KLHL7: variants seen among roughly 807,000 people sequenced by gnomAD.
The protein encoded by KLHL7 is kelch-like protein 7.
KLHL7 carries 44 observed loss-of-function variants against 67.4 expected under a neutral mutation model. The observed-to-expected ratio is 0.65, with a 90% CI of 0.51 to 0.84. The LOEUF is 0.84. Among genes scored for constraint, KLHL7 ranks in the 40% least tolerant of loss-of-function variants. The pLI, the probability that KLHL7 is intolerant of heterozygous loss-of-function variation, is 0.00. For missense variants in KLHL7, 362 were observed against 718.1 expected (o/e 0.50, Z 5.67); for synonymous variants, 252 against 243.3 (o/e 1.04, Z -0.33).
intron 4 of KLHL7, among the ~76,000 whole-genome samples, chr7:23,130,558 G>A (rs1242430739): frequency 1.3e-5 from 2 of 152,122 alleles, no homozygotes; most frequent in East Asian, 1.9e-4. Context: ...AAATACATAT[G>A]TGCTGAGGGA....
intron 4 of KLHL7, chr7:23,125,888 C>A: frequency 6.5e-7 from 1 of 1,538,432 alleles, no homozygotes; most frequent in Non-Finnish European, 8.8e-7. Flanking sequence ...CTGCAGGATA[C>A]GTTCCAAGAC....
intron 4 of KLHL7, among the ~76,000 whole-genome samples, chr7:23,132,326 A>G (rs374797299): frequency 2.9e-4 from 44 of 152,276 alleles, no homozygotes; most frequent in African/African-American, 1.0e-3. Context: ...GTTATTAACT[A>G]TCTTTTGGAT....
At chr7:23,145,002 G>A (rs778794349) in intron 6 of KLHL7, among the ~76,000 whole-genome samples, 50 of 151,998 alleles carry the variant, frequency 3.3e-4, no homozygotes, top group Non-Finnish European at 5.6e-4. Context: ...AGTGGCTGAG[G>A]CAGGAGGATT....
At chr7:23,169,728 G>C (rs1004289590) in intron 9 of KLHL7, among the ~76,000 whole-genome samples, 2 of 151,872 alleles carry the variant, frequency 1.3e-5, no homozygotes, top group African/African-American at 4.8e-5. Flanking sequence ...TTTAAAACTA[G>C]GTGAATATTC....
At chr7:23,129,453 A>G (rs1783712963) in intron 4 of KLHL7, 2 of 364,530 alleles carry the variant, frequency 5.5e-6, no homozygotes, top group African/African-American at 2.2e-5. Flanking sequence ...TTCCAAGGAC[A>G]CTGCCATAGG....
intron 1 of KLHL7, among the ~76,000 whole-genome samples, chr7:23,120,927 C>T (rs1415070746): frequency 6.6e-6 from 1 of 152,128 alleles, no homozygotes; most frequent in African/African-American, 2.4e-5. Context: ...TTTTTCCTCC[C>T]ATCTGGCTGT....
At chr7:23,134,185 T>G (rs1783895555) in intron 4 of KLHL7, among the ~76,000 whole-genome samples, 1 of 152,216 alleles carries the variant, frequency 6.6e-6, no homozygotes, top group South Asian at 2.1e-4. Context: ...TTCAAATGCT[T>G]TTTCAGCATT....
intron 10 of KLHL7, among the ~76,000 whole-genome samples, chr7:23,173,403 A>T (rs1256815994): frequency 2.6e-5 from 4 of 152,244 alleles, no homozygotes; most frequent in African/African-American, 9.6e-5. Flanking sequence ...TAAGGCTTGT[A>T]TCCAGGTCCT....
At chr7:23,173,938 CA>C (rs1381572071) in intron 10 of KLHL7, 76 bp from the exon 11 acceptor site, 2 of 1,433,332 alleles carry the variant, frequency 1.4e-6, no homozygotes, top group African/African-American at 1.4e-5. Context: ...TGGAAAAATA[CA>C]AAAAGTTATT....
rs1314932560 is a variant in KLHL7 at position 23,105,797 on chromosome 7, G to C, written c.-230G>C. The C allele has an allele frequency of 1.7e-6, 1 of 582,006 alleles. No homozygotes were observed. The highest frequency in any genetic ancestry group is 3.0e-6 in the Non-Finnish European group (1 of 332,328). The allele number at this position is 582,006 out of a possible 1,614,324, so 36.1% of individuals were successfully genotyped here. On this transcript the variant is annotated 5_prime_UTR_variant, in exon 1 of 11. Coordinates refer to ENST00000339077, the MANE Select transcript of KLHL7 (RefSeq NM_001031710.3). ...CTGGGCAGGGCTCGGGTTCTGCCCG[G>C]GGACGCAGCCCAGTTGGTAGCGTCG...
At chr7:23,141,244 T>A (rs1784172523) in intron 5 of KLHL7, among the ~76,000 whole-genome samples, 1 of 152,154 alleles carries the variant, frequency 6.6e-6, no homozygotes, top group South Asian at 2.1e-4. Flanking sequence ...ACTTTGCATA[T>A]GTGACTAAGT....
intron 7 of KLHL7, among the ~76,000 whole-genome samples, chr7:23,157,948 T>A: frequency 6.6e-6 from 1 of 152,106 alleles, no homozygotes; most frequent in East Asian, 1.9e-4. Flanking sequence ...AAAATGGGAA[T>A]GTTATCTCCG....
rs1330407524 is a variant in KLHL7, at chr7:23,173,056, T to C, written c.1477+11T>C. On this transcript the variant is annotated intron_variant, in intron 10 of 10. Transcript: ENST00000339077. Reference sequence around the variant, plus strand: ...GTCAGAATGGTTTAGGTATGTGATGTTAATTCACTGTTCCACTTTCCTGAT... The same window carrying C: ...GTCAGAATGGTTTAGGTATGTGATGCTAATTCACTGTTCCACTTTCCTGAT... 1 of 1,581,930 alleles carries C rather than the reference T, an allele frequency of 6.3e-7. No individual in the cohort carries two copies. The highest frequency in any genetic ancestry group is 8.7e-7 in the Non-Finnish European group (1 of 1,150,784).
intron 1 of KLHL7, among the ~76,000 whole-genome samples, chr7:23,117,072 G>T: frequency 1.7e-5 from 2 of 120,614 alleles, no homozygotes; most frequent in African/African-American, 6.1e-5. Flanking sequence ...AATTTTCCTA[G>T]AGCCAGGCCT....
rs534991800 is a variant in KLHL7, at chr7:23,175,967, A to G, written c.*1669A>G. The G allele has an allele frequency of 5.3e-5, 8 of 151,764 alleles. No individual in the cohort carries two copies. The highest frequency in any genetic ancestry group is 1.9e-4 in the African/African-American group (8 of 41,308). The allele number at this position is 151,764 out of a possible 1,614,324, so 9.4% of individuals were successfully genotyped here. ...CAGAGCAAGACTAAAAAAAAAAAAA[A>G]AAAAAAAAAAATGTATTATTCAGTG... is the stretch of plus-strand genomic sequence containing the variant. On this transcript the variant is annotated 3_prime_UTR_variant, in exon 11 of 11. Transcript: ENST00000339077.
At chr7:23,136,833 C>T (rs996901738) in intron 4 of KLHL7, among the ~76,000 whole-genome samples, 31 of 152,142 alleles carry the variant, frequency 2.0e-4, no homozygotes, top group African/African-American at 6.3e-4. Flanking sequence ...AAACTGAAAT[C>T]TTTGGAATAT....
chr7:23,119,047 G>C (rs1783218963), intron 1 of KLHL7, among the ~76,000 whole-genome samples: 1 of 152,094 alleles, frequency 6.6e-6, no homozygotes, highest in African/African-American at 2.4e-5. Context: ...CTCCAGCCTG[G>C]ATGATAGAGC....
intron 1 of KLHL7, among the ~76,000 whole-genome samples, chr7:23,118,247 C>G (rs1783180350): frequency 6.6e-6 from 1 of 152,226 alleles, no homozygotes; most frequent in African/African-American, 2.4e-5. Flanking sequence ...CCAAATCTTT[C>G]AGGCACTAAA....
In KLHL7 at chr7:23,176,094, T is replaced by G. The variant is rs1785290674; in HGVS notation, c.*1796T>G. 2 of 152,274 alleles carry G rather than the reference T, an allele frequency of 1.3e-5. No individual in the cohort carries two copies. The highest frequency in any genetic ancestry group is 4.1e-4 in the South Asian group (2 of 4,822). The allele number at this position is 152,274 out of a possible 1,614,324, so 9.4% of individuals were successfully genotyped here. A position where few individuals can be genotyped will look rare whatever the true frequency, so the allele number is the denominator to read the frequency against. ...TGTACTGATTAGCAATGGTTCCCTA[T>G]TTCCCCCAACGCCCCTGTATTTCCT... On this transcript the variant is annotated 3_prime_UTR_variant, in exon 11 of 11. Transcript: ENST00000339077.
Sources: allele counts gnomAD v4.1 joint callset (sites outside exome capture counted in the v4.1 genomes callset), GRCh38; gene constraint gnomAD v4.1.1; transcripts MANE v1.5; gene names NCBI Gene and HGNC (gene_info 2026-07-23, HGNC 2026-07-21).